The following LCLAT1 variants were observed in gnomAD, a reference collection of about 807,000 sequenced individuals.
LCLAT1 encodes the protein lysocardiolipin acyltransferase 1.
A neutral mutation model predicts 30.7 loss-of-function variants in LCLAT1; 11 were observed. That is an observed-to-expected ratio of 0.36 (90% confidence interval 0.23 to 0.59). LCLAT1 has a LOEUF of 0.59. Ranked by LOEUF, LCLAT1 falls within the 20% of genes least tolerant of loss-of-function variation. LCLAT1 has a pLI of 0.77. For synonymous variants in LCLAT1, 155 were observed against 151.3 expected, an observed-to-expected ratio of 1.02 and a Z score of -0.18; for missense variants, 402 against 458.6, an observed-to-expected ratio of 0.88 and a Z score of 1.13.
chr2:30,555,946 T>C (rs1664898571), intron 3 of LCLAT1, among the ~76,000 whole-genome samples: 2 of 151,490 alleles, frequency 1.3e-5, no homozygotes, highest in South Asian at 4.2e-4. Flanking sequence ...CATGCCATTC[T>C]CCTGCCTCAG....
At chr2:30,638,355 T>C (rs1004540494) in intron 5 of LCLAT1, among the ~76,000 whole-genome samples, 2 of 152,210 alleles carry the variant, frequency 1.3e-5, no homozygotes, top group African/African-American at 4.8e-5. Flanking sequence ...TTTTCTGACA[T>C]ATGTAAGCAT....
At chr2:30,499,713 T>C (rs527554745) in intron 1 of LCLAT1, among the ~76,000 whole-genome samples, 1 of 152,342 alleles carries the variant, frequency 6.6e-6, no homozygotes, top group South Asian at 2.1e-4. Flanking sequence ...AATAGTCTCT[T>C]TTTGGCCATA....
At chr2:30,490,197 T>G (rs1683771142) in intron 1 of LCLAT1, among the ~76,000 whole-genome samples, 1 of 145,746 alleles carries the variant, frequency 6.9e-6, no homozygotes, top group Non-Finnish European at 1.5e-5. Context: ...GGGGCTACTC[T>G]GATTTTTTTT....
Position 30,561,439 on chromosome 2 carries a change from G to T in LCLAT1, c.365-707G>T, listed in dbSNP as rs534089005. Reference sequence around the variant, plus strand: ...GGGCTATTGGACAGACTATTGGATTGATTGCCTCAGTTAGGTATCTACTGT... The same window carrying T: ...GGGCTATTGGACAGACTATTGGATTTATTGCCTCAGTTAGGTATCTACTGT... On this transcript the variant is annotated intron_variant, in intron 3 of 5. Coordinates refer to ENST00000379509, the MANE Select transcript of LCLAT1 (RefSeq NM_001002257.3). 3.3e-5 allele frequency among the ~76,000 whole-genome samples: 5 copies of T among 152,264 alleles called. No individual in the cohort carries two copies. In the South Asian group the frequency reaches 1.0e-3, roughly 32 times the overall value.
intron 5 of LCLAT1, among the ~76,000 whole-genome samples, chr2:30,627,649 C>T (rs1274370532): frequency 1.3e-5 from 2 of 152,108 alleles, no homozygotes; most frequent in Non-Finnish European, 2.9e-5. Context: ...GTGAAGCCTA[C>T]ACTATAATTT....
At chr2:30,490,545 A>G (rs1235905304) in intron 1 of LCLAT1, among the ~76,000 whole-genome samples, 2 of 152,170 alleles carry the variant, frequency 1.3e-5, no homozygotes, top group African/African-American at 2.4e-5. Flanking sequence ...CTAGGACTCA[A>G]AAAAGGAAAT....
In LCLAT1 at chr2:30,640,823, A is replaced by T; in HGVS notation, c.*204A>T. The T allele has an allele frequency of 1.7e-6, 1 of 578,860 alleles. No individual in the cohort carries two copies. Among genetic ancestry groups the T allele is most frequent in the Non-Finnish European group, 2.9e-6 (1 of 340,886 alleles). The allele number at this position is 578,860 out of a possible 1,614,324, so 35.9% of individuals were successfully genotyped here. ...TCTGAATGTAATTTCGATACTGTGT[A>T]CATAGCAGGGAGTGATCGGGGTGAA... On this transcript the variant is annotated 3_prime_UTR_variant, in exon 6 of 6. Transcript: ENST00000379509.
intron 1 of LCLAT1, among the ~76,000 whole-genome samples, chr2:30,448,320 C>A (rs1299939122): frequency 1.3e-5 from 2 of 152,088 alleles, no homozygotes; most frequent in Non-Finnish European, 2.9e-5. Context: ...GGTTAGTTTT[C>A]AAAAAACTGA....
chr2:30,568,022 T>G lies in LCLAT1; in HGVS notation c.512-38T>G, dbSNP rs771896458. On this transcript the variant is annotated intron_variant, in intron 4 of 5. Transcript: ENST00000379509. ...CTTTCCTTACCTTGTTTATTTCCCT[T>G]TAGTTTATGATTTATAATGGTCCAT... The G allele has an allele frequency of 9.4e-6, 10 of 1,063,476 alleles. No homozygotes were observed. The South Asian group carries it at 1.3e-4, about 14-fold the overall frequency. 65.9% of individuals were successfully genotyped at this position (1,063,476 alleles called of 1,614,324 possible).
intron 1 of LCLAT1, among the ~76,000 whole-genome samples, chr2:30,503,877 A>G (rs1193562759): frequency 6.6e-6 from 1 of 152,178 alleles, no homozygotes; most frequent in Admixed American, 6.5e-5. Context: ...GTTCTCCCTC[A>G]AGACTCAGGC....
intron 1 of LCLAT1, among the ~76,000 whole-genome samples, chr2:30,474,520 A>G (rs1682953839): frequency 6.6e-6 from 1 of 152,176 alleles, no homozygotes; most frequent in African/African-American, 2.4e-5. Context: ...GTAGCTGGGA[A>G]TACAGGCGTG....
intron 3 of LCLAT1, among the ~76,000 whole-genome samples, chr2:30,549,161 T>G (rs180782792): frequency 2.0e-5 from 3 of 152,336 alleles, no homozygotes; most frequent in Admixed American, 6.5e-5. Flanking sequence ...CCCTGAGCTG[T>G]GTGAAGTTGA....
chr2:30,497,942 T>C (rs1467460161), intron 1 of LCLAT1, among the ~76,000 whole-genome samples: 4 of 152,202 alleles, frequency 2.6e-5, no homozygotes, highest in Non-Finnish European at 5.9e-5. Flanking sequence ...TAAAGTTGTT[T>C]ATTGGAAACC....
chr2:30,491,080 T>C (rs1683814409), intron 1 of LCLAT1, among the ~76,000 whole-genome samples: 1 of 152,244 alleles, frequency 6.6e-6, no homozygotes, highest in Non-Finnish European at 1.5e-5. Context: ...GCTTACATTA[T>C]ATTTCTATTG....
chr2:30,554,771 T>C (rs1177862398), intron 3 of LCLAT1, among the ~76,000 whole-genome samples: 1 of 152,106 alleles, frequency 6.6e-6, no homozygotes, highest in African/African-American at 2.4e-5. Context: ...ATAAACTAAA[T>C]TAGTAGAACA....
At chr2:30,528,958 C>T (rs536494102) in intron 2 of LCLAT1, among the ~76,000 whole-genome samples, 3 of 152,262 alleles carry the variant, frequency 2.0e-5, no homozygotes, top group Admixed American at 2.0e-4. Context: ...GAAGAACCAT[C>T]AAGGGTGTCT....
chr2:30,517,646 G>A (rs1398055463), intron 1 of LCLAT1, among the ~76,000 whole-genome samples: 1 of 152,172 alleles, frequency 6.6e-6, no homozygotes, highest in Non-Finnish European at 1.5e-5. Context: ...GCAAATGGGG[G>A]CAACGAGCAA....
chr2:30,621,722 G>T (rs932449394), intron 5 of LCLAT1, among the ~76,000 whole-genome samples: 1 of 152,100 alleles, frequency 6.6e-6, no homozygotes, highest in African/African-American at 2.4e-5. Context: ...AAATACAGGG[G>T]TAGAGGAAGC....
rs115177822 is a variant in LCLAT1 at position 30,567,788 on chromosome 2, G to A, written c.512-272G>A. 8.7e-3 allele frequency among the ~76,000 whole-genome samples: 1,322 copies of A among 152,270 alleles called. 21 individuals are homozygous for A. Among genetic ancestry groups the A allele is most frequent in the African/African-American group, 0.03 (1,252 of 41,552 alleles). On this transcript the variant is annotated intron_variant, in intron 4 of 5. Coordinates refer to ENST00000379509, the MANE Select transcript of LCLAT1 (RefSeq NM_001002257.3). Reference sequence around the variant, plus strand: ...TATCTTCTCAGTTTGCTGGCTCTCTGTTTAAAACCTGCTTTCCCTCCCACC... The same window carrying A: ...TATCTTCTCAGTTTGCTGGCTCTCTATTTAAAACCTGCTTTCCCTCCCACC...
Sources: allele counts gnomAD v4.1 joint callset (sites outside exome capture counted in the v4.1 genomes callset), GRCh38; gene constraint gnomAD v4.1.1; transcripts MANE v1.5; gene names NCBI Gene and HGNC (gene_info 2026-07-23, HGNC 2026-07-21).